Variants in ZNF79 observed in about 807,000 individuals in gnomAD.
ZNF79 encodes the protein ZNFpT7.
A neutral mutation model predicts 14.9 loss-of-function variants in ZNF79; 13 were observed. The ratio of observed to expected loss-of-function variants is 0.87; its 90% CI spans 0.57 to 1.38. The LOEUF (loss-of-function observed/expected upper bound fraction) is 1.38, where lower values mean the gene tolerates loss of function less well. Among genes scored for constraint, ZNF79 ranks in the 40% most tolerant of loss-of-function variants. The pLI is 0.00. For synonymous variants in ZNF79, 223 were observed against 235.1 expected (o/e 0.95, Z 0.47); for missense variants, 631 against 630.6 (o/e 1.00, Z -0.01).
At chr9:127,432,890 A>G (rs1405108117) in intron 2 of ZNF79, among the ~76,000 whole-genome samples, 1 of 152,160 alleles carries the variant, frequency 6.6e-6, no homozygotes, top group East Asian at 1.9e-4. Context: ...TATCTTTATA[A>G]TGGATATTAC....
chr9:127,443,716 A>G (rs1028869856), intron 4 of ZNF79, among the ~76,000 whole-genome samples: 2 of 152,040 alleles, frequency 1.3e-5, no homozygotes, highest in African/African-American at 4.8e-5. Flanking sequence ...CCTGGCTAAC[A>G]CGGTGAAACC....
Position 127,424,455 on chromosome 9 carries a change from C to T in ZNF79, c.-333C>T, listed in dbSNP as rs1285868659. On this transcript the variant is annotated 5_prime_UTR_variant, in exon 1 of 5. Coordinates refer to ENST00000342483, the MANE Select transcript of ZNF79 (RefSeq NM_007135.3). Reference sequence around the variant, plus strand: ...GTACTTGGACAGCGGTTCTTGAGCTCTCGCGGTTGCCGGTAGATTGTTGCC... The same window carrying T: ...GTACTTGGACAGCGGTTCTTGAGCTTTCGCGGTTGCCGGTAGATTGTTGCC... 2.2e-5 allele frequency: 7 copies of T among 320,106 alleles called. No individual in the cohort carries two copies. Among genetic ancestry groups the T allele is most frequent in the South Asian group, 7.8e-5 (2 of 25,510 alleles). 19.8% of individuals were successfully genotyped at this position (320,106 alleles called of 1,614,324 possible).
chr9:127,434,171 T>C (rs1833906478), intron 2 of ZNF79, among the ~76,000 whole-genome samples: 1 of 152,010 alleles, frequency 6.6e-6, no homozygotes, highest in Non-Finnish European at 1.5e-5. Flanking sequence ...CTGCCTTGGA[T>C]AGCCTTCTCT....
intron 1 of ZNF79, 177 bp downstream of exon 1, chr9:127,424,980 C>T: frequency 6.9e-7 from 1 of 1,453,636 alleles, no homozygotes; most frequent in Non-Finnish European, 9.1e-7. Flanking sequence ...AGAACATGTG[C>T]CCCTACAGTC....
rs148184910 is a variant in ZNF79, at chr9:127,444,609, G to A, written c.909G>A (p.Lys303=). 6.2e-7 allele frequency: 1 copy of A among 1,613,968 alleles called. No homozygotes were observed. Among genetic ancestry groups the A allele is most frequent in the African/African-American group, 1.3e-5 (1 of 74,884 alleles). Residue 303 remains lysine (K), a synonymous_variant, in exon 5 of 5, where the codon AAG becomes AAA. Transcript: ENST00000342483. The part of the protein sequence containing the change: ...VQHQRIHTGE[K]PYECSDCGKA... ...ATCAGAGAATTCATACCGGAGAGAA[G>A]CCCTACGAATGCAGCGACTGTGGGA...
At chr9:127,428,946 G>T in intron 2 of ZNF79, 26 bp downstream of exon 2, 1 of 1,513,326 alleles carries the variant, frequency 6.6e-7, no homozygotes, top group South Asian at 1.2e-5. Flanking sequence ...ACTTTGGAAG[G>T]CATCCTTTTC....
At chr9:127,435,013 A>T (rs927850719) in intron 2 of ZNF79, 77 bp from the exon 3 acceptor site, 1 of 1,482,960 alleles carries the variant, frequency 6.7e-7, no homozygotes, top group Non-Finnish European at 9.0e-7. Context: ...AGCTCCCCCA[A>T]AACTGCCAAC....
At chr9:127,443,921 AAGG>A (rs1286679556) in intron 4 of ZNF79, 105 bp from the exon 5 acceptor site, 15 of 868,546 alleles carry the variant, frequency 1.7e-5, no homozygotes, top group Admixed American at 9.3e-5. Flanking sequence ...AAAAAAAAAA[AAGG>A]AGATGAGTCA....
chr9:127,431,790 T>C lies in ZNF79; in HGVS notation c.105+2870T>C, dbSNP rs556178898. Among the ~76,000 whole-genome samples the C allele has an allele frequency of 5.9e-5, 9 of 152,354 alleles. No homozygotes were observed. In the East Asian group the frequency reaches 1.5e-3, roughly 26 times the overall value. On this transcript the variant is annotated intron_variant, in intron 2 of 4. Coordinates refer to ENST00000342483, the MANE Select transcript of ZNF79 (RefSeq NM_007135.3). ...AAAGGTAGGGGCCCAGTTTCACTCT[T>C]CTGCATATGGCTAGCCAGCTATCCC...
At chr9:127,442,967 C>CACT (rs1448849997) in intron 4 of ZNF79, among the ~76,000 whole-genome samples, 4 of 152,132 alleles carry the variant, frequency 2.6e-5, no homozygotes, top group Admixed American at 2.0e-4. Flanking sequence ...TCATGCGTAT[C>CACT]ACTGTCTCCA....
chr9:127,424,904 C>G, intron 1 of ZNF79, 101 bp downstream of exon 1: 4 of 1,575,598 alleles, frequency 2.5e-6, no homozygotes, highest in Non-Finnish European at 3.4e-6. Context: ...CTTTATCTCT[C>G]CTACAGGTAG....
rs201997776 is a variant in ZNF79 at position 127,444,245 on chromosome 9, C to T, written c.545C>T (p.Ser182Leu). The T allele has an allele frequency of 2.0e-4, 330 of 1,613,948 alleles. No individual in the cohort carries two copies. The highest frequency in any genetic ancestry group is 3.3e-4 in the Middle Eastern group (2 of 6,082). The change falls in exon 5 of 5, where the codon TCG (serine) becomes TTG (leucine). Residue 182 changes from serine to leucine, a missense_variant. Transcript: ENST00000342483. ...CETHTESFKN[S>L]EILKPHRAKP... ...ACACACACCGAGAGCTTCAAGAACT[C>T]GGAAATCCTGAAACCTCACAGAGCA...
chr9:127,440,992 A>G (rs577302615), intron 4 of ZNF79, among the ~76,000 whole-genome samples: 1 of 152,180 alleles, frequency 6.6e-6, no homozygotes, highest in Admixed American at 6.6e-5. Context: ...AGCACTCGAG[A>G]GAGGTGAGCT....
chr9:127,424,923 A>C, intron 1 of ZNF79, 120 bp downstream of exon 1: 1 of 1,548,502 alleles, frequency 6.5e-7, no homozygotes, highest in Non-Finnish European at 8.7e-7. Context: ...AGTTGGAGAC[A>C]ATCATTTTTT....
chr9:127,439,127 G>GAAAAAC (rs1834002986), intron 4 of ZNF79, among the ~76,000 whole-genome samples: 5 of 49,376 alleles, frequency 1.0e-4, no homozygotes, highest in Non-Finnish European at 2.2e-4. Context: ...AAAAGAAAAA[G>GAAAAAC]AAAGACTGTA....
At position 127,435,899 on chromosome 9, in the gene ZNF79, G is replaced by A. The variant is rs202189972; in HGVS notation, c.233-9G>A. The A allele has an allele frequency of 1.9e-4, 306 of 1,613,052 alleles. No individual in the cohort carries two copies. Among genetic ancestry groups the A allele is most frequent in the Middle Eastern group, 3.3e-4 (2 of 6,080 alleles). On this transcript the variant is annotated splice_polypyrimidine_tract_variant and intron_variant, in intron 3 of 4. Coordinates refer to ENST00000342483, the MANE Select transcript of ZNF79 (RefSeq NM_007135.3). ...CAATTTCTAAAGCCTGTTTTTTCCCGTTGAATAGGACTTCCAGTTTCCCAG... is the reference window on the plus strand; with the variant it reads ...CAATTTCTAAAGCCTGTTTTTTCCCATTGAATAGGACTTCCAGTTTCCCAG...
chr9:127,445,084 C>T lies in ZNF79; in HGVS notation c.1384C>T (p.Gln462Ter). 1 of 1,612,070 alleles carries T rather than the reference C, an allele frequency of 6.2e-7. No homozygotes were observed. The highest frequency in any genetic ancestry group is 8.5e-7 in the Non-Finnish European group (1 of 1,179,328). Residue 462 changes from glutamine to a stop codon, truncating the protein, a stop_gained, in exon 5 of 5, where the codon CAG becomes TAG. Coordinates refer to ENST00000342483, the MANE Select transcript of ZNF79 (RefSeq NM_007135.3). LOFTEE classifies it high-confidence loss of function. ...GTTTAACCAGAGCTCATCCCTTAGTCAGCATCAGAGAATCCACACAGGCGT... is the reference window on the plus strand; with the variant it reads ...GTTTAACCAGAGCTCATCCCTTAGTTAGCATCAGAGAATCCACACAGGCGT... ...KAFNQSSSLS[Q>*]HQRIHTGVKP...
chr9:127,440,463 C>T (rs1476634427), intron 4 of ZNF79, among the ~76,000 whole-genome samples: 1 of 152,086 alleles, frequency 6.6e-6, no homozygotes, highest in Non-Finnish European at 1.5e-5. Flanking sequence ...TTAGTAAACA[C>T]GAGGAAGAGT....
intron 2 of ZNF79, 55 bp from the exon 3 acceptor site, chr9:127,435,035 C>CA (rs1401815309): frequency 8.4e-6 from 13 of 1,540,200 alleles, no homozygotes; most frequent in African/African-American, 2.8e-5. Context: ...TTAACCACCC[C>CA]TATCACCCTA....
Sources: allele counts gnomAD v4.1 joint callset (sites outside exome capture counted in the v4.1 genomes callset), GRCh38; gene constraint gnomAD v4.1.1; transcripts MANE v1.5; gene names NCBI Gene and HGNC (gene_info 2026-07-23, HGNC 2026-07-21).